TBC1D2: variants seen among roughly 807,000 people sequenced by gnomAD.
TBC1D2 encodes TBC1 domain family member 2A.
TBC1D2 carries 58 observed loss-of-function variants against 91.1 expected under a neutral mutation model. That is an observed-to-expected ratio of 0.64 (90% CI 0.52 to 0.79). The LOEUF (loss-of-function observed/expected upper bound fraction) is 0.79, where lower values mean the gene tolerates loss of function less well. Ranked by LOEUF, TBC1D2 falls within the 30% of genes least tolerant of loss-of-function variation. The pLI is 0.00. For missense variants in TBC1D2, 1,080 were observed against 1,208.3 expected (o/e 0.89, Z 1.57); for synonymous variants, 482 against 511.5 (o/e 0.94, Z 0.78).
chr9:98,212,866 C>A (rs1828881691), intron 7 of TBC1D2, among the ~76,000 whole-genome samples: 1 of 152,182 alleles, frequency 6.6e-6, no homozygotes, highest in African/African-American at 2.4e-5. Context: ...TAGGCAGGAA[C>A]CAGCCTTATT....
At chr9:98,207,002 G>A (rs1320627551) in intron 9 of TBC1D2, among the ~76,000 whole-genome samples, 1 of 152,236 alleles carries the variant, frequency 6.6e-6, no homozygotes, top group African/African-American at 2.4e-5. Flanking sequence ...CAAATGAGAA[G>A]TACAGGGGCT....
chr9:98,247,336 A>C (rs560396490), intron 2 of TBC1D2, among the ~76,000 whole-genome samples: 6 of 150,428 alleles, frequency 4.0e-5, no homozygotes, highest in East Asian at 2.0e-4. Context: ...TCTCAAAAAA[A>C]AAAAACAAAA....
intron 9 of TBC1D2, 85 bp from the exon 10 acceptor site, chr9:98,203,493 C>G: frequency 6.4e-7 from 1 of 1,568,116 alleles, no homozygotes. Flanking sequence ...TCCTGGGTTC[C>G]AGGGGGAAAG....
intron 12 of TBC1D2, 34 bp from the exon 13 acceptor site, chr9:98,199,622 C>T: frequency 6.2e-7 from 1 of 1,609,870 alleles, no homozygotes; most frequent in Non-Finnish European, 8.5e-7. Context: ...CAGAGCACGT[C>T]ACCCCACCTG....
chr9:98,247,127 A>G (rs1016960600), intron 2 of TBC1D2, among the ~76,000 whole-genome samples: 4 of 152,008 alleles, frequency 2.6e-5, no homozygotes, highest in African/African-American at 9.7e-5. Context: ...CAGGAGTTCA[A>G]GATCAGCCTG....
chr9:98,239,237 G>C (rs995771682), intron 3 of TBC1D2, among the ~76,000 whole-genome samples: 3 of 151,896 alleles, frequency 2.0e-5, no homozygotes, highest in African/African-American at 7.3e-5. Flanking sequence ...TTTTTGTAGA[G>C]ATGGGGTTCA....
At chr9:98,219,543 C>T (rs917092542) in intron 6 of TBC1D2, among the ~76,000 whole-genome samples, 2 of 152,142 alleles carry the variant, frequency 1.3e-5, no homozygotes, top group African/African-American at 2.4e-5. Context: ...GTAGACTGGA[C>T]GCAGACAAAC....
At chr9:98,230,174 C>T (rs1829332245) in intron 4 of TBC1D2, among the ~76,000 whole-genome samples, 1 of 152,142 alleles carries the variant, frequency 6.6e-6, no homozygotes, top group Non-Finnish European at 1.5e-5. Flanking sequence ...TACATCATGC[C>T]TATTATGAGT....
intron 2 of TBC1D2, among the ~76,000 whole-genome samples, chr9:98,246,603 A>G (rs7853442): frequency 0.43 from 65,799 of 151,856 alleles, 16,835 homozygotes; most frequent in African/African-American, 0.72. Context: ...GGAAGGGGAA[A>G]AAGTGCACAC....
intron 9 of TBC1D2, among the ~76,000 whole-genome samples, chr9:98,207,240 T>G (rs891685022): frequency 6.6e-6 from 1 of 152,178 alleles, no homozygotes; most frequent in African/African-American, 2.4e-5. Flanking sequence ...ACCACTCAAA[T>G]TTGAGTAAGG....
Position 98,255,612 on chromosome 9 carries a change from G to C in TBC1D2, c.-71C>G, listed in dbSNP as rs942871293. The stretch of plus-strand genomic sequence containing the variant: ...ACCAGGGACAAATCTCGGAGACTCG[G>C]CGGGCAGCTTCCCAAAGGGAGACAC... On this transcript the variant is annotated 5_prime_UTR_variant, in exon 1 of 13. Coordinates refer to ENST00000465784, the MANE Select transcript of TBC1D2 (RefSeq NM_001267571.2). The C allele has an allele frequency of 4.2e-6, 6 of 1,412,544 alleles. No individual in the cohort carries two copies. The South Asian group carries it at 4.8e-5, about 11-fold the overall frequency. The allele number at this position is 1,412,544 out of a possible 1,614,324, so 87.5% of individuals were successfully genotyped here.
chr9:98,233,658 A>G, intron 3 of TBC1D2, 109 bp from the exon 4 acceptor site: 2 of 1,504,994 alleles, frequency 1.3e-6, no homozygotes, highest in East Asian at 2.3e-5. Context: ...ACACCCTGTC[A>G]TCCTGACTGG....
At chr9:98,241,994 C>T (rs1829648395) in intron 3 of TBC1D2, among the ~76,000 whole-genome samples, 1 of 152,192 alleles carries the variant, frequency 6.6e-6, no homozygotes, top group African/African-American at 2.4e-5. Context: ...GACGTCACCA[C>T]CCTCCTAGTC....
At position 98,201,537 on chromosome 9, in the gene TBC1D2, C is replaced by G; in HGVS notation, c.2399G>C (p.Ser800Thr). ...CCGAAGGAGGATGTTGCTAATGAGA[C>G]TGTCCGCAAAGACCACGAGGAACCA... ...FNWFLVVFADSLISNILLRVW... is the reference protein window; with the variant it reads ...FNWFLVVFADTLISNILLRVW... Residue 800 changes from serine to threonine, a missense_variant, in exon 11 of 13, where the codon AGT (serine) becomes ACT (threonine). Coordinates refer to ENST00000465784, the MANE Select transcript of TBC1D2 (RefSeq NM_001267571.2). 6.2e-7 allele frequency: 1 copy of G among 1,614,178 alleles called. No homozygotes were observed. The highest frequency in any genetic ancestry group is 1.1e-5 in the South Asian group (1 of 91,086).
chr9:98,238,076 G>T (rs1396329311), intron 3 of TBC1D2, among the ~76,000 whole-genome samples: 1 of 135,920 alleles, frequency 7.4e-6, no homozygotes, highest in African/African-American at 3.7e-5. Context: ...GCTAATTTTT[G>T]TATTTTTAGT....
At chr9:98,243,257 C>T (rs920673969) in intron 3 of TBC1D2, among the ~76,000 whole-genome samples, 2 of 151,854 alleles carry the variant, frequency 1.3e-5, no homozygotes, top group Non-Finnish European at 2.9e-5. Context: ...GAAACCATCA[C>T]TACATCACAT....
chr9:98,199,554 G>A lies in TBC1D2; in HGVS notation c.2614C>T (p.Pro872Ser), dbSNP rs1043721045. 45 of 1,614,102 alleles carry A rather than the reference G, an allele frequency of 2.8e-5. No individual in the cohort carries two copies. Among genetic ancestry groups the A allele is most frequent in the Non-Finnish European group, 3.7e-5 (44 of 1,180,050 alleles). Residue 872 changes from proline to serine, a missense_variant, in exon 13 of 13, where the codon CCC becomes TCC. Transcript: ENST00000465784. Reference sequence around the variant, plus strand: ...TGCCGCAGCTGTTTCATGCGGAAGGGGTTCATGTCATTGAAGGCGATGTTC... The same window carrying A: ...TGCCGCAGCTGTTTCATGCGGAAGGAGTTCATGTCATTGAAGGCGATGTTC... The part of the protein sequence containing the change: ...LMNIAFNDMN[P>S]FRMKQLRQLR...
chr9:98,249,771 T>A lies in TBC1D2; in HGVS notation c.511+2014A>T, dbSNP rs561025901. Among the ~76,000 whole-genome samples the A allele has an allele frequency of 3.3e-5, 5 of 152,348 alleles. No homozygotes were observed. The East Asian group carries it at 7.7e-4, about 24-fold the overall frequency. ...CATGGGTGTGTTCTATGCACAGACA[T>A]ATAGACATAGAATAACAATATTATT... On this transcript the variant is annotated intron_variant, in intron 2 of 12. Transcript: ENST00000465784.
At chr9:98,208,239 C>T (rs536212889) in intron 9 of TBC1D2, among the ~76,000 whole-genome samples, 1 of 152,228 alleles carries the variant, frequency 6.6e-6, no homozygotes, top group African/African-American at 2.4e-5. Context: ...AACCTAGGCT[C>T]ATGTCTTCAG....
Sources: allele counts gnomAD v4.1 joint callset (sites outside exome capture counted in the v4.1 genomes callset), GRCh38; gene constraint gnomAD v4.1.1; transcripts MANE v1.5; gene names NCBI Gene and HGNC (gene_info 2026-07-23, HGNC 2026-07-21).